RANBP17: variants seen among roughly 807,000 people sequenced by gnomAD.
The protein encoded by RANBP17 is RAN binding protein 17.
In RANBP17, 158 loss-of-function variants were observed where a neutral mutation model predicts 141.2. That is an observed-to-expected ratio of 1.12 (90% CI 0.98 to 1.28). The LOEUF (loss-of-function observed/expected upper bound fraction) is 1.28. RANBP17 is among the 50% of genes most tolerant of loss of function. The pLI is 0.00. For missense variants in RANBP17, 1,438 were observed against 1,290.7 expected (o/e 1.11, Z -1.75); for synonymous variants, 430 against 450.0 (o/e 0.96, Z 0.56).
At chr5:171,112,957 G>T (rs1031390245) in intron 14 of RANBP17, among the ~76,000 whole-genome samples, 24 of 152,134 alleles carry the variant, frequency 1.6e-4, no homozygotes, top group African/African-American at 5.6e-4. Context: ...TATATAAGTT[G>T]CCAGAGTCTT....
intron 14 of RANBP17, among the ~76,000 whole-genome samples, chr5:170,986,361 T>C (rs944718746): frequency 7.9e-5 from 12 of 151,922 alleles, no homozygotes; most frequent in African/African-American, 2.7e-4. Context: ...TAACTTGAAA[T>C]TTGCATTAAG....
chr5:171,100,328 G>T (rs1444032723), intron 14 of RANBP17, among the ~76,000 whole-genome samples: 3 of 152,044 alleles, frequency 2.0e-5, no homozygotes, highest in African/African-American at 7.2e-5. Flanking sequence ...TTTAGTCTTG[G>T]GAAGTTGTAT....
intron 22 of RANBP17, among the ~76,000 whole-genome samples, chr5:171,236,668 T>G (rs911997053): frequency 1.3e-5 from 2 of 152,204 alleles, no homozygotes; most frequent in Non-Finnish European, 2.9e-5. Context: ...TACTGTGTAT[T>G]GTCATAGTTT....
intron 12 of RANBP17, among the ~76,000 whole-genome samples, chr5:170,948,878 G>A (rs1240888646): frequency 2.0e-5 from 3 of 152,108 alleles, no homozygotes; most frequent in African/African-American, 4.8e-5. Context: ...GGACCTGGGT[G>A]CGGTGGCTCA....
chr5:170,927,897 A>C (rs1773056094), intron 12 of RANBP17, among the ~76,000 whole-genome samples: 1 of 152,050 alleles, frequency 6.6e-6, no homozygotes, highest in Non-Finnish European at 1.5e-5. Flanking sequence ...ACCTAAGATG[A>C]GTGCTGGGTC....
intron 14 of RANBP17, among the ~76,000 whole-genome samples, chr5:171,140,337 T>C (rs1757604354): frequency 6.6e-6 from 1 of 152,220 alleles, no homozygotes. Context: ...GGCACAGTAC[T>C]CAACACATAT....
chr5:171,190,826 A>C (rs1051498016), intron 18 of RANBP17, among the ~76,000 whole-genome samples: 1 of 152,206 alleles, frequency 6.6e-6, no homozygotes, highest in African/African-American at 2.4e-5. Context: ...TGAAGAACCA[A>C]AATTATTATT....
intron 18 of RANBP17, among the ~76,000 whole-genome samples, chr5:171,186,538 T>TC (rs1247279294): frequency 3.2e-4 from 28 of 88,516 alleles, no homozygotes; most frequent in African/African-American, 1.1e-3. Flanking sequence ...TTTTTTTTTT[T>TC]TTTTTTTTTT....
At chr5:171,204,675 A>G (rs1222902598) in intron 19 of RANBP17, among the ~76,000 whole-genome samples, 1 of 152,146 alleles carries the variant, frequency 6.6e-6, no homozygotes, top group East Asian at 1.9e-4. Flanking sequence ...CCAAGCATCA[A>G]CCTAAGGACA....
At chr5:171,134,020 C>G (rs1022602164) in intron 14 of RANBP17, among the ~76,000 whole-genome samples, 7 of 152,156 alleles carry the variant, frequency 4.6e-5, no homozygotes, top group African/African-American at 1.7e-4. Flanking sequence ...TTAACCCTAC[C>G]TCAGTTAATT....
chr5:171,221,928 C>T lies in RANBP17; in HGVS notation c.2422+88C>T, dbSNP rs922500259. 31 of 837,008 alleles carry T rather than the reference C, an allele frequency of 3.7e-5. No individual in the cohort carries two copies. In the African/African-American group the frequency reaches 4.6e-4, roughly 13 times the overall value. 51.8% of individuals were successfully genotyped at this position (837,008 alleles called of 1,614,324 possible). ...ATGTTAGTTATTTTGTTCTTTTGAA[C>T]TTTCATATCTTTATGAATTTGTGAA... On this transcript the variant is annotated intron_variant, in intron 22 of 27. Coordinates refer to ENST00000523189, the MANE Select transcript of RANBP17 (RefSeq NM_022897.5).
At chr5:171,086,747 G>A (rs1414820047) in intron 14 of RANBP17, among the ~76,000 whole-genome samples, 1 of 148,550 alleles carries the variant, frequency 6.7e-6, no homozygotes, top group African/African-American at 2.5e-5. Flanking sequence ...TAGTTTATTT[G>A]CGTAGAGGTG....
intron 14 of RANBP17, among the ~76,000 whole-genome samples, chr5:171,055,916 A>G (rs890779888): frequency 2.7e-5 from 4 of 146,826 alleles, no homozygotes; most frequent in Non-Finnish European, 6.0e-5. Flanking sequence ...AAACATTCTT[A>G]TTACACTTGT....
chr5:171,171,347 A>C (rs1760087042), intron 16 of RANBP17, 61 bp downstream of exon 16: 4 of 912,456 alleles, frequency 4.4e-6, no homozygotes, highest in Non-Finnish European at 6.7e-6. Context: ...GCATTTAATT[A>C]ACCAGGTATT....
chr5:170,954,869 G>T (rs1047997744), intron 13 of RANBP17, among the ~76,000 whole-genome samples: 3 of 151,976 alleles, frequency 2.0e-5, no homozygotes, highest in African/African-American at 7.3e-5. Flanking sequence ...CTGAACCAAG[G>T]GTCCCCAACC....
At chr5:170,935,178 A>G (rs919126287) in intron 12 of RANBP17, among the ~76,000 whole-genome samples, 1 of 152,064 alleles carries the variant, frequency 6.6e-6, no homozygotes, top group African/African-American at 2.4e-5. Context: ...ACTTCTCTAC[A>G]CTGTTTATTC....
intron 14 of RANBP17, among the ~76,000 whole-genome samples, chr5:171,024,816 A>G (rs950866856): frequency 6.6e-6 from 1 of 151,474 alleles, no homozygotes; most frequent in African/African-American, 2.4e-5. Context: ...CTTAAATAGC[A>G]TCATGCACTC....
intron 22 of RANBP17, among the ~76,000 whole-genome samples, chr5:171,236,100 T>C (rs890423146): frequency 1.3e-5 from 2 of 152,206 alleles, no homozygotes; most frequent in Non-Finnish European, 2.9e-5. Flanking sequence ...GAGACCTTGC[T>C]GGTTTGCAGA....
intron 14 of RANBP17, among the ~76,000 whole-genome samples, chr5:171,090,734 G>A (rs1049928417): frequency 6.6e-6 from 1 of 152,182 alleles, no homozygotes; most frequent in African/African-American, 2.4e-5. Context: ...CTGTGTCCCA[G>A]TCACTCCAGC....
Sources: allele counts gnomAD v4.1 joint callset (sites outside exome capture counted in the v4.1 genomes callset), GRCh38; gene constraint gnomAD v4.1.1; transcripts MANE v1.5; gene names NCBI Gene and HGNC (gene_info 2026-07-23, HGNC 2026-07-21).